Variants in TBL1XR1 observed in about 807,000 individuals in gnomAD.
TBL1XR1 encodes the protein F-box-like/WD repeat-containing protein TBL1XR1.
TBL1XR1 carries 5 observed loss-of-function variants against 66.9 expected under a neutral mutation model. The ratio of observed to expected loss-of-function variants is 0.07; its 90% CI spans 0.04 to 0.16. The LOEUF (loss-of-function observed/expected upper bound fraction) is 0.16. Ranked by LOEUF, TBL1XR1 falls within the 10% of genes least tolerant of loss-of-function variation. The pLI, the probability that TBL1XR1 is intolerant of heterozygous loss-of-function variation, is 1.00. For missense variants in TBL1XR1, 238 were observed against 623.2 expected (o/e 0.38, Z 6.58); for synonymous variants, 210 against 206.0 (o/e 1.02, Z -0.17).
intron 2 of TBL1XR1, among the ~76,000 whole-genome samples, chr3:177,074,073 G>A (rs1720386234): frequency 6.6e-6 from 1 of 152,120 alleles, no homozygotes; most frequent in Non-Finnish European, 1.5e-5. Context: ...TACTCAACCT[G>A]TTTGCTACAT....
intron 2 of TBL1XR1, among the ~76,000 whole-genome samples, chr3:177,082,604 T>C (rs1334138082): frequency 6.6e-6 from 1 of 151,094 alleles, no homozygotes; most frequent in Non-Finnish European, 1.5e-5. Context: ...TAACACTAGA[T>C]GTTACAGCAC....
rs887977940 is a variant in TBL1XR1 at position 177,025,368 on chromosome 3, T to G, written c.*130A>C. The G allele has an allele frequency of 7.0e-6, 6 of 862,076 alleles. No individual in the cohort carries two copies. In the African/African-American group the frequency reaches 1.0e-4, roughly 15 times the overall value. 53.4% of individuals were successfully genotyped at this position (862,076 alleles called of 1,614,324 possible). A position where few individuals can be genotyped will look rare whatever the true frequency, so the allele number is the denominator to read the frequency against. ...TTTGTTTATATACACTGTATGTATA[T>G]ATTTCTTTTAGATTTGGCTGTAGTG... On this transcript the variant is annotated 3_prime_UTR_variant, in exon 16 of 16. Coordinates refer to ENST00000457928, the MANE Select transcript of TBL1XR1 (RefSeq NM_024665.7).
intron 1 of TBL1XR1, among the ~76,000 whole-genome samples, chr3:177,196,808 G>A (rs180984053): frequency 1.5e-3 from 221 of 152,004 alleles, no homozygotes; most frequent in African/African-American, 5.1e-3. Flanking sequence ...GAAGGCCGAG[G>A]TGCACATTTT....
At chr3:177,091,488 G>A (rs956454996) in intron 2 of TBL1XR1, among the ~76,000 whole-genome samples, 3 of 152,124 alleles carry the variant, frequency 2.0e-5, no homozygotes, top group Non-Finnish European at 4.4e-5. Flanking sequence ...GAGGACCAAT[G>A]AAGGACATGT....
intron 1 of TBL1XR1, among the ~76,000 whole-genome samples, chr3:177,138,507 A>C (rs909177185): frequency 2.0e-5 from 3 of 151,934 alleles, no homozygotes; most frequent in Admixed American, 6.6e-5. Context: ...TGAGAGGATC[A>C]CTTGAGCCTC....
intron 1 of TBL1XR1, among the ~76,000 whole-genome samples, chr3:177,156,718 T>C (rs1043994925): frequency 4.6e-5 from 7 of 151,978 alleles, no homozygotes; most frequent in African/African-American, 1.7e-4. Context: ...TGTATGAATG[T>C]CCTCAGAAGT....
At chr3:177,155,738 G>A (rs1019133787) in intron 1 of TBL1XR1, among the ~76,000 whole-genome samples, 5 of 152,254 alleles carry the variant, frequency 3.3e-5, no homozygotes, top group Middle Eastern at 3.4e-3. Flanking sequence ...AGTTTTGGTC[G>A]GCTGCAGTGG....
At chr3:177,054,030 A>C in intron 3 of TBL1XR1, 112 bp from the exon 4 acceptor site, 2 of 1,178,944 alleles carry the variant, frequency 1.7e-6, no homozygotes, top group South Asian at 1.5e-5. Flanking sequence ...CCCATTTAAA[A>C]TCCCAGACGA....
chr3:177,165,978 T>C (rs189374860), intron 1 of TBL1XR1, among the ~76,000 whole-genome samples: 2 of 152,256 alleles, frequency 1.3e-5, no homozygotes, highest in Non-Finnish European at 2.9e-5. Flanking sequence ...TAGACCCACC[T>C]ACTCAGGAGG....
chr3:177,180,160 C>G (rs1240002232), intron 1 of TBL1XR1, among the ~76,000 whole-genome samples: 1 of 146,508 alleles, frequency 6.8e-6, no homozygotes, highest in Non-Finnish European at 1.5e-5. Flanking sequence ...TTGCCTGAAT[C>G]CGGGAGGCGT....
At chr3:177,127,219 T>G (rs181580272) in intron 1 of TBL1XR1, among the ~76,000 whole-genome samples, 8 of 152,346 alleles carry the variant, frequency 5.3e-5, no homozygotes, top group African/African-American at 1.9e-4. Flanking sequence ...AACTTGTATA[T>G]CTAGTTCCCA....
intron 1 of TBL1XR1, among the ~76,000 whole-genome samples, chr3:177,112,107 A>ATATATATATATATATTTTTTTTTTTT: frequency 2.7e-5 from 1 of 37,666 alleles, no homozygotes; most frequent in Non-Finnish European, 4.5e-5. Context: ...ATATATATAT[A>ATATATATATATATATTTTTTTTTTTT]TTTTTTTTTT....
At chr3:177,070,087 A>G in intron 2 of TBL1XR1, among the ~76,000 whole-genome samples, 1 of 152,328 alleles carries the variant, frequency 6.6e-6, no homozygotes, top group South Asian at 2.1e-4. Context: ...CATAATCTCA[A>G]TTAAGCAATT....
chr3:177,063,864 T>C (rs958091687), intron 3 of TBL1XR1, among the ~76,000 whole-genome samples: 1 of 152,210 alleles, frequency 6.6e-6, no homozygotes, highest in Non-Finnish European at 1.5e-5. Flanking sequence ...GTGATGGTGC[T>C]TGGGAATAGA....
At chr3:177,071,031 G>GTTTTTTTTTTGT (rs1719918256) in intron 2 of TBL1XR1, among the ~76,000 whole-genome samples, 1 of 104,716 alleles carries the variant, frequency 9.5e-6, no homozygotes, top group Non-Finnish European at 1.8e-5. Flanking sequence ...CTGAGAATCT[G>GTTTTTTTTTTGT]TTTTTTTTTT....
At chr3:177,089,461 C>T (rs1207346969) in intron 2 of TBL1XR1, among the ~76,000 whole-genome samples, 1 of 152,206 alleles carries the variant, frequency 6.6e-6, no homozygotes, top group Non-Finnish European at 1.5e-5. Context: ...ATGTTCTACA[C>T]TGTTCCCGAG....
At chr3:177,186,508 G>C (rs1735428544) in intron 1 of TBL1XR1, among the ~76,000 whole-genome samples, 1 of 152,068 alleles carries the variant, frequency 6.6e-6, no homozygotes, top group African/African-American at 2.4e-5. Flanking sequence ...ACATATGATA[G>C]CCACTAAACA....
chr3:177,106,744 G>C (rs1031425185), intron 1 of TBL1XR1, among the ~76,000 whole-genome samples: 3 of 152,118 alleles, frequency 2.0e-5, no homozygotes, highest in Non-Finnish European at 4.4e-5. Context: ...AAGACAGTCC[G>C]CTAACAGGGA....
intron 7 of TBL1XR1, among the ~76,000 whole-genome samples, chr3:177,048,200 GA>G (rs1210805155): frequency 6.6e-6 from 1 of 152,132 alleles, no homozygotes; most frequent in Non-Finnish European, 1.5e-5. Flanking sequence ...TTACCAGGAG[GA>G]AAAGTCCATA....
Sources: allele counts gnomAD v4.1 joint callset (sites outside exome capture counted in the v4.1 genomes callset), GRCh38; gene constraint gnomAD v4.1.1; transcripts MANE v1.5; gene names NCBI Gene and HGNC (gene_info 2026-07-23, HGNC 2026-07-21).